The following GARIN4 variants were observed in gnomAD, a reference collection of about 807,000 sequenced individuals.
GARIN4 encodes golgi associated RAB2 interactor family member 4.
the GARIN4 span, chr1:212,625,839 G>A: frequency 1.2e-6 from 2 of 1,614,238 alleles, no homozygotes; most frequent in East Asian, 2.2e-5. Context: ...ATCGGTGCAG[G>A]AGGAAACAAA....
the GARIN4 span, chr1:212,626,365 G>A: frequency 5.8e-5 from 94 of 1,614,074 alleles, no homozygotes; most frequent in Non-Finnish European, 7.5e-5. Context: ...TCAGCCACAC[G>A]CCCATCTCAA....
the GARIN4 span, chr1:212,625,750 C>G: frequency 1.4e-3 from 2,237 of 1,613,884 alleles, 32 homozygotes; most frequent in African/African-American, 0.026. Flanking sequence ...CAACAGGCAC[C>G]GTAGCAGGTG....
chr1:212,625,293 T>G, the GARIN4 span: 4 of 1,614,278 alleles, frequency 2.5e-6, no homozygotes, highest in Non-Finnish European at 1.7e-6. Flanking sequence ...AAACAACAGC[T>G]GCGCCTGAAG....
the GARIN4 span, chr1:212,626,315 A>T: frequency 6.2e-7 from 1 of 1,614,232 alleles, no homozygotes; most frequent in African/African-American, 1.3e-5. Flanking sequence ...AGGCTGTGGC[A>T]ACCCGGGGAG....
At chr1:212,626,111 C>T in the GARIN4 span, 24 of 1,613,854 alleles carry the variant, frequency 1.5e-5, no homozygotes, top group East Asian at 2.2e-5. Flanking sequence ...TGGAAGGGAG[C>T]GAACCCAGGC....
the GARIN4 span, chr1:212,625,247 CT>C: frequency 6.2e-7 from 1 of 1,614,060 alleles, no homozygotes; most frequent in South Asian, 1.1e-5. Flanking sequence ...GCTTCTGCCC[CT>C]GAGGTTTGTA....
At chr1:212,624,619 C>T in the GARIN4 span, 7 of 422,904 alleles carry the variant, frequency 1.7e-5, no homozygotes, top group Non-Finnish European at 2.8e-5. Flanking sequence ...CACCCTGCAT[C>T]TCTACGTCTT....
chr1:212,625,917 C>T, the GARIN4 span: 1 of 1,614,122 alleles, frequency 6.2e-7, no homozygotes, highest in South Asian at 1.1e-5. Context: ...GTGGCAGGGG[C>T]TGCAGGCAAG....
At chr1:212,625,574 G>A in the GARIN4 span, 5 of 1,614,174 alleles carry the variant, frequency 3.1e-6, no homozygotes, top group South Asian at 3.3e-5. Context: ...GGTGTGTGGG[G>A]CCACCTCTGC....
chr1:212,626,595 A>AGG, the GARIN4 span: 1 of 1,614,030 alleles, frequency 6.2e-7, no homozygotes, highest in South Asian at 1.1e-5. Context: ...GAGGGTGGCC[A>AGG]GGGGCTGGAG....
the GARIN4 span, chr1:212,625,197 G>A: frequency 3.1e-6 from 5 of 1,613,934 alleles, no homozygotes; most frequent in Non-Finnish European, 4.2e-6. Flanking sequence ...GCCACCAAGA[G>A]AAAAAAACGC....
the GARIN4 span, chr1:212,625,787 G>A: frequency 1.2e-6 from 2 of 1,614,154 alleles, no homozygotes; most frequent in Non-Finnish European, 8.5e-7. Flanking sequence ...AGCCAATTCT[G>A]CCCCTGGACA....
chr1:212,624,993 T>C, the GARIN4 span: 1 of 1,614,138 alleles, frequency 6.2e-7, no homozygotes, highest in Non-Finnish European at 8.5e-7. Context: ...GAGTACGATA[T>C]ATTCAAGTAT....
the GARIN4 span, chr1:212,624,700 G>A: frequency 4.9e-6 from 6 of 1,231,850 alleles, no homozygotes; most frequent in South Asian, 3.7e-5. Context: ...CCCCCACCCC[G>A]GCCTCTGGGA....
the GARIN4 span, chr1:212,626,141 G>C: frequency 5.0e-6 from 8 of 1,614,110 alleles, no homozygotes; most frequent in Non-Finnish European, 6.8e-6. Context: ...AGGCTGCAAG[G>C]AGGGGAGGGA....
the GARIN4 span, chr1:212,625,181 G>T: frequency 6.2e-7 from 1 of 1,613,960 alleles, no homozygotes; most frequent in Admixed American, 1.7e-5. Context: ...TGCTGGACAT[G>T]GCCAGGCCAC....
chr1:212,626,528 A>G, the GARIN4 span: 1,382,036 of 1,614,082 alleles, frequency 0.86, 593,968 homozygotes, highest in Non-Finnish European at 0.87. Context: ...CAGAGATGTG[A>G]ACGTCATGGC....
chr1:212,625,115 C>A, the GARIN4 span: 23 of 1,614,060 alleles, frequency 1.4e-5, no homozygotes, highest in Non-Finnish European at 7.6e-6. Flanking sequence ...CAGCCCCATC[C>A]TCCCACTCCC....
the GARIN4 span, chr1:212,625,300 G>T: frequency 2.2e-5 from 36 of 1,614,148 alleles, no homozygotes; most frequent in Non-Finnish European, 3.1e-5. Context: ...AGCTGCGCCT[G>T]AAGTTCGCCA....
Sources: gnomAD v4.1 joint callset for allele counts on GRCh38, gnomAD v4.1.1 for gene constraint, MANE v1.5 for transcripts, NCBI Gene and HGNC (gene_info 2026-07-23, HGNC 2026-07-21) for gene names.